Variants in PAPPA2 observed in about 807,000 individuals in gnomAD.
PAPPA2 encodes pappalysin 2.
Under a neutral mutation model 176.4 loss-of-function variants are expected in PAPPA2, and 86 were observed. The ratio of observed to expected loss-of-function variants is 0.49; its 90% confidence interval spans 0.41 to 0.58. The LOEUF is 0.58. PAPPA2 is among the 20% of genes least tolerant of loss of function. The pLI is 0.00. For missense variants in PAPPA2, 2,073 were observed against 2,256.9 expected, an observed-to-expected ratio of 0.92 and a Z score of 1.65; for synonymous variants, 809 against 852.2, an observed-to-expected ratio of 0.95 and a Z score of 0.88.
chr1:176,633,779 A>G (rs1039231818), intron 3 of PAPPA2, among the ~76,000 whole-genome samples: 1 of 152,222 alleles, frequency 6.6e-6, no homozygotes, highest in African/African-American at 2.4e-5. Context: ...AAAAGTGGGC[A>G]AAGGATATGA....
intron 1 of PAPPA2, among the ~76,000 whole-genome samples, chr1:176,492,848 C>T (rs540157202): frequency 2.6e-5 from 4 of 151,974 alleles, no homozygotes; most frequent in African/African-American, 9.7e-5. Context: ...TGAGTATTAT[C>T]CTTAAGAGAA....
At chr1:176,814,494 C>T (rs1466471796) in intron 21 of PAPPA2, among the ~76,000 whole-genome samples, 1 of 151,938 alleles carries the variant, frequency 6.6e-6, no homozygotes, top group Non-Finnish European at 1.5e-5. Flanking sequence ...TGAAGAGTTC[C>T]TTCATTTCCT....
chr1:176,546,586 A>G (rs1282057554), intron 1 of PAPPA2, among the ~76,000 whole-genome samples: 1 of 152,214 alleles, frequency 6.6e-6, no homozygotes, highest in Non-Finnish European at 1.5e-5. Context: ...TACACATGAA[A>G]CATTTGTCCT....
chr1:176,768,591 T>G (rs553474266), intron 15 of PAPPA2, among the ~76,000 whole-genome samples: 42 of 152,318 alleles, frequency 2.8e-4, no homozygotes, highest in Non-Finnish European at 5.3e-4. Context: ...CTTTTCTCCT[T>G]TCTATTCTTC....
intron 3 of PAPPA2, among the ~76,000 whole-genome samples, chr1:176,596,344 C>T (rs1404961897): frequency 1.3e-5 from 2 of 152,176 alleles, no homozygotes; most frequent in East Asian, 1.9e-4. Context: ...AGCACAGCCT[C>T]GCTGACTTGA....
At chr1:176,666,561 A>G (rs975530694) in intron 3 of PAPPA2, among the ~76,000 whole-genome samples, 76 of 109,530 alleles carry the variant, frequency 6.9e-4, no homozygotes, top group Middle Eastern at 4.8e-3. Context: ...GTAAATATAT[A>G]TGTGTGTGTG....
intron 2 of PAPPA2, among the ~76,000 whole-genome samples, chr1:176,564,938 C>T (rs1293284916): frequency 6.6e-6 from 1 of 152,092 alleles, no homozygotes; most frequent in African/African-American, 2.4e-5. Flanking sequence ...ACTTCCCTCC[C>T]CTCCTTTCCA....
chr1:176,759,048 A>G (rs987065479), intron 14 of PAPPA2, among the ~76,000 whole-genome samples: 1 of 152,254 alleles, frequency 6.6e-6, no homozygotes, highest in Admixed American at 6.5e-5. Flanking sequence ...GCCTTGGTCT[A>G]CTACTTTCTT....
chr1:176,555,011 G>T (rs2102587500), intron 1 of PAPPA2, among the ~76,000 whole-genome samples: 1 of 152,002 alleles, frequency 6.6e-6, no homozygotes, highest in Admixed American at 6.6e-5. Context: ...GAGAGAGAGA[G>T]AGAGAGAGAG....
At chr1:176,780,571 C>T (rs1664666126) in intron 17 of PAPPA2, among the ~76,000 whole-genome samples, 1 of 152,204 alleles carries the variant, frequency 6.6e-6, no homozygotes, top group South Asian at 2.1e-4. Context: ...GGCATATCCT[C>T]CTCTGCTCCT....
intron 1 of PAPPA2, among the ~76,000 whole-genome samples, chr1:176,476,381 A>G (rs916453487): frequency 2.6e-5 from 4 of 152,202 alleles, no homozygotes; most frequent in Non-Finnish European, 4.4e-5. Context: ...GTTCTCTGCC[A>G]TACCTGTGGT....
At chr1:176,640,695 G>A (rs1173598468) in intron 3 of PAPPA2, among the ~76,000 whole-genome samples, 1 of 151,882 alleles carries the variant, frequency 6.6e-6, no homozygotes, top group Admixed American at 6.6e-5. Context: ...AGTCCTTTGG[G>A]CATATACCCA....
At chr1:176,468,227 T>C (rs1651714667) in intron 1 of PAPPA2, among the ~76,000 whole-genome samples, 1 of 152,156 alleles carries the variant, frequency 6.6e-6, no homozygotes, top group African/African-American at 2.4e-5. Flanking sequence ...GGCTCTGACA[T>C]TCCTCCCTCA....
At chr1:176,698,289 G>A (rs1232629877) in intron 7 of PAPPA2, among the ~76,000 whole-genome samples, 1 of 152,166 alleles carries the variant, frequency 6.6e-6, no homozygotes, top group Non-Finnish European at 1.5e-5. Flanking sequence ...TTGTAAAAGA[G>A]GAAACTGAGG....
chr1:176,622,474 A>G (rs1481859043), intron 3 of PAPPA2, among the ~76,000 whole-genome samples: 1 of 152,218 alleles, frequency 6.6e-6, no homozygotes, highest in Admixed American at 6.5e-5. Context: ...AAGGAGGTCA[A>G]GAGTGATCTC....
At chr1:176,730,163 T>G (rs1662068479) in intron 12 of PAPPA2, among the ~76,000 whole-genome samples, 1 of 151,980 alleles carries the variant, frequency 6.6e-6, no homozygotes, top group Non-Finnish European at 1.5e-5. Context: ...TTTTCTTTTT[T>G]TATTTTCTGG....
chr1:176,493,341 AAT>A (rs1434626704), intron 1 of PAPPA2, among the ~76,000 whole-genome samples: 1 of 152,200 alleles, frequency 6.6e-6, no homozygotes, highest in East Asian at 1.9e-4. Flanking sequence ...GTTAGTTTTT[AAT>A]ATGTCAGTTT....
At chr1:176,590,294 A>G (rs1328170348) in intron 2 of PAPPA2, among the ~76,000 whole-genome samples, 1 of 152,202 alleles carries the variant, frequency 6.6e-6, no homozygotes, top group Non-Finnish European at 1.5e-5. Flanking sequence ...ATCAGAGCCA[A>G]TTGTACCCAT....
intron 1 of PAPPA2, among the ~76,000 whole-genome samples, chr1:176,521,930 T>C (rs1004442445): frequency 2.6e-5 from 4 of 152,158 alleles, no homozygotes; most frequent in African/African-American, 7.2e-5. Flanking sequence ...CATGTTAGTA[T>C]TGTAATCCTG....
Sources: allele counts gnomAD v4.1 joint callset (sites outside exome capture counted in the v4.1 genomes callset), GRCh38; gene constraint gnomAD v4.1.1; transcripts MANE v1.5; gene names NCBI Gene and HGNC (gene_info 2026-07-23, HGNC 2026-07-21).